RORA: variants seen among roughly 807,000 people sequenced by gnomAD.
RORA encodes the protein nuclear receptor ROR-alpha.
In RORA, 7 loss-of-function variants were observed where a neutral mutation model predicts 69.5. The ratio of observed to expected loss-of-function variants is 0.10; its 90% CI spans 0.06 to 0.19. RORA has a LOEUF of 0.19. RORA is among the 10% of genes least tolerant of loss of function. The pLI is 1.00. For missense variants in RORA, 457 were observed against 663.0 expected (o/e 0.69, Z 3.41); for synonymous variants, 261 against 240.8 (o/e 1.08, Z -0.78).
chr15:61,063,053 G>A (rs1423320609), intron 1 of RORA, among the ~76,000 whole-genome samples: 5 of 152,188 alleles, frequency 3.3e-5, no homozygotes, highest in African/African-American at 9.6e-5. Context: ...CAGACCCGGC[G>A]TATTCACCAG....
At chr15:60,999,659 C>G (rs1894684537) in intron 1 of RORA, among the ~76,000 whole-genome samples, 1 of 152,200 alleles carries the variant, frequency 6.6e-6, no homozygotes. Flanking sequence ...GTACATCTGT[C>G]TGTGTGTGCT....
chr15:61,046,622 C>A (rs2140487318), intron 1 of RORA, among the ~76,000 whole-genome samples: 1 of 152,326 alleles, frequency 6.6e-6, no homozygotes, highest in Non-Finnish European at 1.5e-5. Context: ...CAAGGTGCCT[C>A]TGACAAATGT....
chr15:60,570,488 C>T (rs926336951), intron 2 of RORA, among the ~76,000 whole-genome samples: 4 of 151,836 alleles, frequency 2.6e-5, no homozygotes, highest in African/African-American at 9.7e-5. Flanking sequence ...TGCCACCATA[C>T]CCAGTTTATT....
intron 1 of RORA, among the ~76,000 whole-genome samples, chr15:60,688,619 T>C (rs1044505763): frequency 1.3e-5 from 2 of 152,212 alleles, no homozygotes; most frequent in Non-Finnish European, 2.9e-5. Flanking sequence ...GAAAGTGTGA[T>C]AGCATAGCTG....
At chr15:61,201,164 G>A (rs753142215) in intron 1 of RORA, among the ~76,000 whole-genome samples, 14 of 152,176 alleles carry the variant, frequency 9.2e-5, no homozygotes, top group Non-Finnish European at 1.3e-4. Context: ...GTAGCTAGCT[G>A]TTCACAGTCC....
At chr15:60,880,961 T>A (rs1295793459) in intron 1 of RORA, among the ~76,000 whole-genome samples, 26 of 152,216 alleles carry the variant, frequency 1.7e-4, no homozygotes, top group Admixed American at 1.6e-3. Context: ...TCAGCCTCTA[T>A]CTCTCACCCC....
intron 1 of RORA, among the ~76,000 whole-genome samples, chr15:61,018,156 A>G (rs927777078): frequency 1.6e-4 from 24 of 152,216 alleles, no homozygotes; most frequent in African/African-American, 5.8e-4. Context: ...TAGAAAAGTG[A>G]TAAAATGGAA....
chr15:61,024,650 C>T (rs1895710030), intron 1 of RORA, among the ~76,000 whole-genome samples: 1 of 151,912 alleles, frequency 6.6e-6, no homozygotes, highest in South Asian at 2.1e-4. Flanking sequence ...AGGGTTTCAC[C>T]GTGTTGGTCA....
At chr15:61,086,416 C>G (rs2078625761) in intron 1 of RORA, among the ~76,000 whole-genome samples, 1 of 152,208 alleles carries the variant, frequency 6.6e-6, no homozygotes, top group Non-Finnish European at 1.5e-5. Flanking sequence ...TAAATGAGAA[C>G]TTAATGAACT....
At chr15:60,558,353 T>A in intron 2 of RORA, 2 of 1,270,054 alleles carry the variant, frequency 1.6e-6, no homozygotes, top group Non-Finnish European at 2.3e-6. Flanking sequence ...CTAATGGGCA[T>A]TAATTAGTTG....
Position 60,708,914 on chromosome 15 carries a change from T to G in RORA, c.167-30228A>C, listed in dbSNP as rs187783187. Among the ~76,000 whole-genome samples, 162 of 152,320 alleles carry G rather than the reference T, an allele frequency of 1.1e-3. 1 individual carries two copies. Among genetic ancestry groups the G allele is most frequent in the African/African-American group, 3.7e-3 (155 of 41,586 alleles). The stretch of plus-strand genomic sequence containing the variant: ...TAAAATCCATGTTCTACAGTCAGCT[T>G]TATTATGAACCTCAAATACCACAGC... On this transcript the variant is annotated intron_variant, in intron 1 of 10. Coordinates refer to ENST00000335670, the MANE Select transcript of RORA (RefSeq NM_134261.3).
intron 2 of RORA, among the ~76,000 whole-genome samples, chr15:60,542,284 C>A (rs2066895413): frequency 6.6e-6 from 1 of 152,056 alleles, no homozygotes; most frequent in African/African-American, 2.4e-5. Flanking sequence ...CTTTTTAATG[C>A]CAATAGCTGC....
chr15:60,945,237 A>G (rs535668834), intron 1 of RORA, among the ~76,000 whole-genome samples: 1 of 152,312 alleles, frequency 6.6e-6, no homozygotes, highest in East Asian at 1.9e-4. Context: ...AAAGAACAGG[A>G]ACTCTCATCT....
intron 1 of RORA, among the ~76,000 whole-genome samples, chr15:61,104,907 AG>A (rs2078930314): frequency 6.6e-6 from 1 of 152,014 alleles, no homozygotes; most frequent in Non-Finnish European, 1.5e-5. Context: ...TGGTTTTATA[AG>A]GGGAAATCCC....
At chr15:60,900,493 G>T (rs534984624) in intron 1 of RORA, among the ~76,000 whole-genome samples, 1 of 152,318 alleles carries the variant, frequency 6.6e-6, no homozygotes, top group African/African-American at 2.4e-5. Context: ...AGATAGAGCT[G>T]GGTCCAATAC....
intron 1 of RORA, among the ~76,000 whole-genome samples, chr15:61,217,795 G>C (rs1252600608): frequency 6.6e-6 from 1 of 152,202 alleles, no homozygotes; most frequent in Non-Finnish European, 1.5e-5. Flanking sequence ...TTCTAAGCCA[G>C]TCTAGGCAGA....
chr15:61,016,324 T>C (rs1895286262), intron 1 of RORA, among the ~76,000 whole-genome samples: 1 of 152,188 alleles, frequency 6.6e-6, no homozygotes. Flanking sequence ...AATATTATGG[T>C]TGCCGTCATC....
intron 1 of RORA, among the ~76,000 whole-genome samples, chr15:61,160,971 TG>T (rs2140883308): frequency 6.6e-6 from 1 of 152,284 alleles, no homozygotes; most frequent in East Asian, 1.9e-4. Flanking sequence ...CAAGCACGGA[TG>T]TTTGGAGACG....
chr15:60,687,281 T>C (rs1366068027), intron 1 of RORA, among the ~76,000 whole-genome samples: 1 of 152,176 alleles, frequency 6.6e-6, no homozygotes, highest in Non-Finnish European at 1.5e-5. Context: ...TCCTGATATA[T>C]AGAATACCAT....
Sources: allele counts gnomAD v4.1 joint callset (sites outside exome capture counted in the v4.1 genomes callset), GRCh38; gene constraint gnomAD v4.1.1; transcripts MANE v1.5; gene names NCBI Gene and HGNC (gene_info 2026-07-23, HGNC 2026-07-21).